Variants in SOX5 observed in about 807,000 individuals in gnomAD.
SOX5 encodes the protein transcription factor SOX-5.
SOX5 carries 9 observed loss-of-function variants against 92.0 expected under a neutral mutation model. The observed-to-expected ratio is 0.10, with a 90% CI of 0.06 to 0.17. The LOEUF is 0.17. SOX5 is among the 10% of genes least tolerant of loss of function. The pLI is 1.00. For synonymous variants in SOX5, 344 were observed against 336.3 expected (o/e 1.02, Z -0.25); for missense variants, 642 against 944.5 (o/e 0.68, Z 4.20).
At chr12:24,382,279 C>T (rs73289758) in intron 1 of SOX5, among the ~76,000 whole-genome samples, 6,430 of 152,128 alleles carry the variant, frequency 0.042, 165 homozygotes, top group African/African-American at 0.067. Context: ...ATGAGTCACG[C>T]GGTTAACAGA....
At chr12:23,905,074 A>C (rs2138128931) in intron 1 of SOX5, among the ~76,000 whole-genome samples, 1 of 152,358 alleles carries the variant, frequency 6.6e-6, no homozygotes, top group East Asian at 1.9e-4. Flanking sequence ...TCATTATCTG[A>C]AAGAAATAAA....
chr12:23,963,171 T>C (rs889528360), intron 4 of SOX5, among the ~76,000 whole-genome samples: 2 of 152,176 alleles, frequency 1.3e-5, no homozygotes, highest in East Asian at 3.9e-4. Context: ...TGTATCTAAG[T>C]ACCAAAAACC....
At chr12:24,384,926 C>T (rs762580774) in intron 1 of SOX5, among the ~76,000 whole-genome samples, 8 of 152,086 alleles carry the variant, frequency 5.3e-5, no homozygotes, top group Non-Finnish European at 7.3e-5. Context: ...ACAATACTGA[C>T]GGCATTTATC....
At chr12:24,209,941 C>A (rs1352484204) in intron 4 of SOX5, among the ~76,000 whole-genome samples, 1 of 139,042 alleles carries the variant, frequency 7.2e-6, no homozygotes, top group African/African-American at 2.7e-5. Context: ...TGGCATGAAC[C>A]CGGGAGGCGG....
At chr12:24,332,005 A>G (rs1026326471) in intron 2 of SOX5, among the ~76,000 whole-genome samples, 8 of 152,254 alleles carry the variant, frequency 5.3e-5, no homozygotes, top group African/African-American at 1.9e-4. Context: ...GACTGCATAT[A>G]ATATGATCAC....
intron 4 of SOX5, among the ~76,000 whole-genome samples, chr12:24,148,213 C>G (rs972653828): frequency 6.6e-6 from 1 of 151,234 alleles, no homozygotes; most frequent in African/African-American, 2.4e-5. Flanking sequence ...AAGGGACAAA[C>G]AGGCCAGGCA....
intron 1 of SOX5, among the ~76,000 whole-genome samples, chr12:23,899,336 G>A (rs2097208486): frequency 6.7e-6 from 1 of 150,164 alleles, no homozygotes; most frequent in African/African-American, 2.5e-5. Flanking sequence ...GGGAGGCAGA[G>A]GTTGTAGTGA....
chr12:24,331,824 C>A (rs1951341850), intron 2 of SOX5, among the ~76,000 whole-genome samples: 1 of 109,484 alleles, frequency 9.1e-6, no homozygotes, highest in Admixed American at 1.3e-4. Context: ...CTCCAACCAG[C>A]CTGGGAACAG....
chr12:24,021,020 G>A (rs1954222280), intron 4 of SOX5, among the ~76,000 whole-genome samples: 2 of 152,202 alleles, frequency 1.3e-5, no homozygotes, highest in Admixed American at 1.3e-4. Flanking sequence ...CTTTTCCTGA[G>A]AAAGGTCTTC....
chr12:23,868,475 GAAA>G (rs2060548151), intron 2 of SOX5, among the ~76,000 whole-genome samples: 1 of 152,074 alleles, frequency 6.6e-6, no homozygotes, highest in African/African-American at 2.4e-5. Flanking sequence ...ATACTCTTCA[GAAA>G]ACCCACTCTT....
intron 4 of SOX5, among the ~76,000 whole-genome samples, chr12:24,147,211 C>G (rs994633606): frequency 6.6e-6 from 1 of 152,016 alleles, no homozygotes; most frequent in Non-Finnish European, 1.5e-5. Flanking sequence ...AACATAGATG[C>G]AAATATGCTT....
At chr12:24,065,645 C>CAAAAAAAAAAAAAAAAAAAAAGAA (rs1940580552) in intron 4 of SOX5, among the ~76,000 whole-genome samples, 2 of 81,660 alleles carry the variant, frequency 2.4e-5, no homozygotes, top group Non-Finnish European at 4.5e-5. Context: ...GACTCCATCT[C>CAAAAAAAAAAAAAAAAAAAAAGAA]AAAAAAAAAA....
At chr12:24,382,224 C>T (rs923836944) in intron 1 of SOX5, among the ~76,000 whole-genome samples, 11 of 152,072 alleles carry the variant, frequency 7.2e-5, no homozygotes, top group East Asian at 1.9e-4. Flanking sequence ...GGAGGGCCTC[C>T]GTAAGAAGCT....
At chr12:24,208,229 ATCAG>A (rs2139636394) in intron 4 of SOX5, among the ~76,000 whole-genome samples, 1 of 152,282 alleles carries the variant, frequency 6.6e-6, no homozygotes, top group South Asian at 2.1e-4. Flanking sequence ...CAGTTTATAA[ATCAG>A]TCAGCCTCAG....
intron 1 of SOX5, among the ~76,000 whole-genome samples, chr12:24,512,134 C>T (rs1350272194): frequency 2.0e-5 from 3 of 152,044 alleles, no homozygotes; most frequent in African/African-American, 7.2e-5. Flanking sequence ...TTCTTAAAGC[C>T]TTTGCAACAA....
intron 4 of SOX5, among the ~76,000 whole-genome samples, chr12:24,012,527 G>T (rs536077531): frequency 1.3e-5 from 2 of 152,230 alleles, no homozygotes; most frequent in African/African-American, 4.8e-5. Flanking sequence ...AAAACATTTT[G>T]TGATCAATCT....
rs1383437136 is a variant in SOX5, at chr12:23,740,989, T to G, written c.619A>C (p.Asn207His). ...TGCTCTCGGAGGCTGGTCAGCTGGT[T>G]GATCATACCCATGAGTTGCCTTTCT... ...EKERQLMGMI[N>H]QLTSLREQLL... The change falls in exon 5 of 15, where the codon AAC (asparagine) becomes CAC (histidine). Residue 207 changes from asparagine (N) to histidine (H), a missense_variant. Around this residue, in one of 8 missense-constraint regions of SOX5, gnomAD observed 324 missense variants for 461.6 expected, o/e 0.70. Coordinates refer to ENST00000451604, the MANE Select transcript of SOX5 (RefSeq NM_006940.6). 4 of 1,611,970 alleles carry G rather than the reference T, an allele frequency of 2.5e-6. No individual in the cohort carries two copies. The Admixed American group carries it at 6.7e-5, about 27-fold the overall frequency.
chr12:23,567,695 A>G (rs1308020431), intron 10 of SOX5, among the ~76,000 whole-genome samples: 1 of 152,038 alleles, frequency 6.6e-6, no homozygotes, highest in Non-Finnish European at 1.5e-5. Context: ...GATTCACACA[A>G]TTCTCCTGCC....
chr12:23,584,111 T>A (rs916240200), intron 9 of SOX5, among the ~76,000 whole-genome samples: 12 of 152,014 alleles, frequency 7.9e-5, no homozygotes, highest in Non-Finnish European at 1.8e-4. Flanking sequence ...ACAAAAGGAA[T>A]TACTATCAAA....
Sources: allele counts gnomAD v4.1 joint callset (sites outside exome capture counted in the v4.1 genomes callset), GRCh38; gene constraint gnomAD v4.1.1; regional missense constraint gnomAD v4.1.1; transcripts MANE v1.5; gene names NCBI Gene and HGNC (gene_info 2026-07-23, HGNC 2026-07-21).